The following CAB39 variants were observed in gnomAD, a reference collection of about 807,000 sequenced individuals.
The protein encoded by CAB39 is calcium binding protein 39, also known as calcium-binding protein 39.
Under a neutral mutation model 40.0 loss-of-function variants are expected in CAB39, and 8 were observed. That is an observed-to-expected ratio of 0.20 (90% CI 0.12 to 0.36). The LOEUF is 0.36. CAB39 is among the 10% of genes least tolerant of loss of function. The pLI is 1.00. For missense variants in CAB39, 270 were observed against 401.1 expected, an observed-to-expected ratio of 0.67 and a Z score of 2.79; for synonymous variants, 156 against 141.6, an observed-to-expected ratio of 1.10 and a Z score of -0.72.
At chr2:230,782,813 C>CTTTTTT (rs1212977897) in intron 2 of CAB39, among the ~76,000 whole-genome samples, 69 of 81,764 alleles carry the variant, frequency 8.4e-4, no homozygotes, top group Admixed American at 1.4e-3. Flanking sequence ...TTCTTTCTTT[C>CTTTTTT]TTTTTTTTTT....
At chr2:230,784,210 C>T (rs868189188) in intron 2 of CAB39, among the ~76,000 whole-genome samples, 2 of 152,046 alleles carry the variant, frequency 1.3e-5, no homozygotes, top group Non-Finnish European at 2.9e-5. Context: ...AAATTTCTGA[C>T]GTGTAGTAAC....
At chr2:230,784,733 GA>G (rs1355520112) in intron 2 of CAB39, among the ~76,000 whole-genome samples, 1 of 152,084 alleles carries the variant, frequency 6.6e-6, no homozygotes, top group African/African-American at 2.4e-5. Flanking sequence ...GGGAAAAAGA[GA>G]AAAAAAGAAT....
At chr2:230,783,451 T>TTGTTTTGTTTTGTTG (rs1429209479) in intron 2 of CAB39, among the ~76,000 whole-genome samples, 1 of 136,076 alleles carries the variant, frequency 7.3e-6, no homozygotes, top group African/African-American at 2.6e-5. Flanking sequence ...TAGTTTTGTT[T>TTGTTTTGTTTTGTTG]TGTTTTGTTT....
At chr2:230,813,999 T>TTTTTTTTTTTTTTG in intron 6 of CAB39, 50 bp from the exon 7 acceptor site, 1 of 454,976 alleles carries the variant, frequency 2.2e-6, no homozygotes, top group Non-Finnish European at 3.9e-6. Context: ...TTTTTTTTTT[T>TTTTTTTTTTTTTTG]TTTTTTTTTT....
At chr2:230,723,588 A>G (rs1694496236) in intron 1 of CAB39, among the ~76,000 whole-genome samples, 1 of 152,052 alleles carries the variant, frequency 6.6e-6, no homozygotes, top group Non-Finnish European at 1.5e-5. Context: ...TTAGTGCCCC[A>G]CACTGTCCTT....
chr2:230,757,092 G>A (rs1409341441), intron 1 of CAB39, among the ~76,000 whole-genome samples: 19 of 152,122 alleles, frequency 1.2e-4, no homozygotes, highest in African/African-American at 3.9e-4. Flanking sequence ...TTGGGTAGTT[G>A]TTACTGTGTT....
intron 1 of CAB39, among the ~76,000 whole-genome samples, chr2:230,719,542 T>C (rs1694409336): frequency 6.6e-6 from 1 of 152,218 alleles, no homozygotes; most frequent in South Asian, 2.1e-4. Flanking sequence ...CATAATTTGA[T>C]TAGTGGCTTA....
At chr2:230,722,887 C>T (rs1225713091) in intron 1 of CAB39, among the ~76,000 whole-genome samples, 3 of 152,018 alleles carry the variant, frequency 2.0e-5, no homozygotes, top group East Asian at 1.9e-4. Context: ...TTAAAAATAG[C>T]GAAAAGGAGC....
At chr2:230,753,481 G>A (rs1483211508) in intron 1 of CAB39, among the ~76,000 whole-genome samples, 3 of 151,986 alleles carry the variant, frequency 2.0e-5, no homozygotes, top group East Asian at 1.9e-4. Context: ...TTGGCCAGAC[G>A]TGGTGGCTCA....
chr2:230,742,299 C>T (rs561088061), intron 1 of CAB39, among the ~76,000 whole-genome samples: 4 of 152,028 alleles, frequency 2.6e-5, no homozygotes, highest in Non-Finnish European at 5.9e-5. Context: ...CACAGCCTCC[C>T]GAGTAGCTGG....
intron 5 of CAB39, among the ~76,000 whole-genome samples, chr2:230,799,717 G>A (rs1414774244): frequency 2.6e-5 from 4 of 152,182 alleles, no homozygotes; most frequent in Non-Finnish European, 4.4e-5. Context: ...CTTGCCAGGC[G>A]CAGTGGCTCG....
intron 1 of CAB39, among the ~76,000 whole-genome samples, chr2:230,727,780 G>A (rs60571985): frequency 0.1 from 15,830 of 151,998 alleles, 1,127 homozygotes; most frequent in Middle Eastern, 0.16. Context: ...AGGGGAAGGA[G>A]TGCTCCAGAC....
At chr2:230,771,630 G>A (rs967559842) in intron 2 of CAB39, among the ~76,000 whole-genome samples, 5 of 152,230 alleles carry the variant, frequency 3.3e-5, no homozygotes, top group African/African-American at 1.2e-4. Context: ...TTGAATGGAA[G>A]TGCAAAAGAC....
chr2:230,725,355 C>T (rs1694545442), intron 1 of CAB39: 2 of 1,593,652 alleles, frequency 1.3e-6, no homozygotes, highest in South Asian at 1.1e-5. Context: ...ACTGGCTTCT[C>T]CCCCATGGGC....
At chr2:230,790,767 TG>T in intron 2 of CAB39, 104 bp from the exon 3 acceptor site, 1 of 928,856 alleles carries the variant, frequency 1.1e-6, no homozygotes, top group Non-Finnish European at 1.7e-6. Flanking sequence ...CATAGGTCCA[TG>T]GGTCTGTAAT....
At chr2:230,755,055 A>G (rs1306716931) in intron 1 of CAB39, among the ~76,000 whole-genome samples, 1 of 152,084 alleles carries the variant, frequency 6.6e-6, no homozygotes, top group Non-Finnish European at 1.5e-5. Context: ...TCATATATAT[A>G]CATACATACA....
At chr2:230,749,853 GATACATATGA>G (rs1352017488) in intron 1 of CAB39, among the ~76,000 whole-genome samples, 2 of 152,148 alleles carry the variant, frequency 1.3e-5, no homozygotes, top group Non-Finnish European at 2.9e-5. Context: ...TAAGTTTACT[GATACATATGA>G]ATATATTGAT....
chr2:230,731,792 G>A (rs1694694903), intron 1 of CAB39, among the ~76,000 whole-genome samples: 1 of 152,162 alleles, frequency 6.6e-6, no homozygotes, highest in Admixed American at 6.5e-5. Flanking sequence ...ACCATGCCCA[G>A]CTGAATTGTA....
At chr2:230,797,695 G>A (rs1464891597) in intron 4 of CAB39, among the ~76,000 whole-genome samples, 2 of 152,126 alleles carry the variant, frequency 1.3e-5, no homozygotes, top group East Asian at 3.8e-4. Context: ...GATTGTATGG[G>A]CTTTCATTAG....
Sources: allele counts gnomAD v4.1 joint callset (sites outside exome capture counted in the v4.1 genomes callset), GRCh38; gene constraint gnomAD v4.1.1; transcripts MANE v1.5; gene names NCBI Gene and HGNC (gene_info 2026-07-23, HGNC 2026-07-21).